TESC: variants seen among roughly 807,000 people sequenced by gnomAD.
TESC encodes the protein tescalcin.
Under a neutral mutation model 31.0 loss-of-function variants are expected in TESC, and 19 were observed. That is an observed-to-expected ratio of 0.61 (90% CI 0.43 to 0.90). The LOEUF (loss-of-function observed/expected upper bound fraction) is 0.90, where lower values mean the gene tolerates loss of function less well. Ranked by LOEUF, TESC falls within the 40% of genes least tolerant of loss-of-function variation. The pLI, the probability that TESC is intolerant of heterozygous loss-of-function variation, is 0.00. For synonymous variants in TESC, 109 were observed against 114.8 expected (o/e 0.95, Z 0.32); for missense variants, 248 against 303.8 (o/e 0.82, Z 1.36).
In TESC at chr12:117,075,300, C is replaced by T; in HGVS notation, c.99G>A (p.Lys33=). 1 of 1,612,164 alleles carries T rather than the reference C, an allele frequency of 6.2e-7. No homozygotes were observed. Among genetic ancestry groups the T allele is most frequent in the Non-Finnish European group, 8.5e-7 (1 of 1,179,954 alleles). Residue 33 remains lysine, a synonymous_variant, in exon 2 of 8, where the codon AAG becomes AAA. Coordinates refer to ENST00000335209, the MANE Select transcript of TESC (RefSeq NM_017899.4). ...TGGTAGGCTGATCTCCACTCAGCTG[C>T]TTAAATCTCCGATGGAGCTGCTCGA... The part of the protein sequence containing the change: ...DQIEQLHRRF[K]QLSGDQPTIR...
chr12:117,061,691 C>T (rs1396729649), intron 2 of TESC, among the ~76,000 whole-genome samples: 1 of 152,122 alleles, frequency 6.6e-6, no homozygotes, highest in African/African-American at 2.4e-5. Context: ...TACATCCACA[C>T]CTGACTCTCA....
At chr12:117,080,593 C>A (rs917587829) in intron 1 of TESC, among the ~76,000 whole-genome samples, 3 of 152,240 alleles carry the variant, frequency 2.0e-5, no homozygotes, top group African/African-American at 7.2e-5. Flanking sequence ...GAGCCAAGGG[C>A]TCAGCTCACA....
chr12:117,049,148 T>C lies in TESC; in HGVS notation c.220A>G (p.Lys74Glu). The change falls in exon 4 of 8, where the codon AAG (lysine) becomes GAG (glutamate). Residue 74 changes from lysine to glutamate, a missense_variant. Transcript: ENST00000335209. ...RAFFDNRNLR[K>E]GPSGLADEIN... The stretch of plus-strand genomic sequence containing the variant: ...TCATCAGCCAGGCCACTGGGTCCCT[T>C]GCGCAGGTTCCTACGGGAGCAACAA... The C allele has an allele frequency of 6.2e-7, 1 of 1,614,228 alleles. No homozygotes were observed. The highest frequency in any genetic ancestry group is 8.5e-7 in the Non-Finnish European group (1 of 1,180,038).
At chr12:117,045,754 G>A (rs867675502) in intron 6 of TESC, among the ~76,000 whole-genome samples, 10 of 152,214 alleles carry the variant, frequency 6.6e-5, no homozygotes, top group Non-Finnish European at 1.3e-4. Flanking sequence ...GTCTAGAGAC[G>A]CAGCCACTTT....
At chr12:117,096,261 G>A (rs1955393806) in intron 1 of TESC, among the ~76,000 whole-genome samples, 1 of 152,154 alleles carries the variant, frequency 6.6e-6, no homozygotes, top group Non-Finnish European at 1.5e-5. Flanking sequence ...AGCCCTGTGG[G>A]CTCAGTCTGT....
At chr12:117,071,006 C>T (rs1035410616) in intron 2 of TESC, among the ~76,000 whole-genome samples, 1 of 152,156 alleles carries the variant, frequency 6.6e-6, no homozygotes, top group Non-Finnish European at 1.5e-5. Context: ...CACAATCCTG[C>T]TGTGTAGCAC....
At chr12:117,099,009 G>A (rs1955435006) in intron 1 of TESC, among the ~76,000 whole-genome samples, 2 of 152,174 alleles carry the variant, frequency 1.3e-5, no homozygotes, top group Admixed American at 6.5e-5. Flanking sequence ...CCAGTCCGAA[G>A]CTGAGCGGCT....
At chr12:117,045,715 A>G (rs1002924245) in intron 6 of TESC, among the ~76,000 whole-genome samples, 11 of 152,354 alleles carry the variant, frequency 7.2e-5, no homozygotes, top group Admixed American at 4.6e-4. Context: ...CCTCCACTCC[A>G]GGCTGGGCAA....
At chr12:117,062,951 G>T (rs1007901155) in intron 2 of TESC, among the ~76,000 whole-genome samples, 1 of 152,154 alleles carries the variant, frequency 6.6e-6, no homozygotes, top group African/African-American at 2.4e-5. Context: ...GACCATCAGG[G>T]GTAGCGGGGA....
chr12:117,050,659 G>T (rs111733834), intron 3 of TESC, among the ~76,000 whole-genome samples: 1 of 152,240 alleles, frequency 6.6e-6, no homozygotes, highest in Non-Finnish European at 1.5e-5. Flanking sequence ...GAGGCCAGGC[G>T]CAATGGCTTA....
chr12:117,093,220 A>G (rs1955339539), intron 1 of TESC, among the ~76,000 whole-genome samples: 1 of 152,244 alleles, frequency 6.6e-6, no homozygotes, highest in South Asian at 2.1e-4. Context: ...CCCTGGTAGC[A>G]GAATATGGCA....
At chr12:117,058,860 T>G (rs1382886539) in intron 2 of TESC, among the ~76,000 whole-genome samples, 4 of 151,994 alleles carry the variant, frequency 2.6e-5, no homozygotes, top group Non-Finnish European at 5.9e-5. Flanking sequence ...GGCTGCAGGT[T>G]TGCAGGCAGG....
Position 117,055,235 on chromosome 12 carries a change from G to A in TESC, c.209+1571C>T, listed in dbSNP as rs577130510. 1.6e-4 allele frequency among the ~76,000 whole-genome samples: 24 copies of A among 152,266 alleles called. 1 individual carries two copies. In the South Asian group the frequency reaches 5.0e-3, roughly 32 times the overall value. On this transcript the variant is annotated intron_variant, in intron 3 of 7. Coordinates refer to ENST00000335209, the MANE Select transcript of TESC (RefSeq NM_017899.4). ...CGACTTACTGCAACCTCCACCTCCC[G>A]AGTTCAAGGGATTATCCTGCCTCAG... is the stretch of plus-strand genomic sequence containing the variant.
At chr12:117,095,237 GCTAA>G (rs79799126) in intron 1 of TESC, among the ~76,000 whole-genome samples, 22,792 of 151,788 alleles carry the variant, frequency 0.15, 1,811 homozygotes, top group Middle Eastern at 0.21. Context: ...ACCGCGCACA[GCTAA>G]TTTTTGTAGT....
chr12:117,039,364 A>G (rs1434861140), intron 7 of TESC, among the ~76,000 whole-genome samples, 154 bp from the exon 8 acceptor site: 2 of 152,230 alleles, frequency 1.3e-5, no homozygotes, highest in Non-Finnish European at 1.5e-5. Flanking sequence ...TTTCAAGACT[A>G]TGAGCTAAGC....
At chr12:117,046,982 A>C in intron 4 of TESC, 144 bp from the exon 5 acceptor site, 1 of 823,040 alleles carries the variant, frequency 1.2e-6, no homozygotes, top group South Asian at 1.7e-5. Context: ...GAGCTGTGGG[A>C]CCAGACTGAC....
Position 117,099,237 on chromosome 12 carries a change from C to T in TESC, c.46G>A (p.Gly16Ser). 6.8e-7 allele frequency: 1 copy of T among 1,479,364 alleles called. No homozygotes were observed. The highest frequency in any genetic ancestry group is 8.9e-7 in the Non-Finnish European group (1 of 1,122,996). The allele number at this position is 1,479,364 out of a possible 1,614,324, so 91.6% of individuals were successfully genotyped here. Reference protein sequence around the residue: ...SASEEVRELEGKTGFSSDQIE... With the variant: ...SASEEVRELESKTGFSSDQIE... The stretch of plus-strand genomic sequence containing the variant: ...CGCGGGTACTCACAGCCGGTCTTGC[C>T]CTCGAGCTCCCGCACCTCCTCAGAC... The change falls in exon 1 of 8, where the codon GGC (glycine) becomes AGC (serine). Residue 16 changes from glycine (G) to serine (S), a missense_variant. Coordinates refer to ENST00000335209, the MANE Select transcript of TESC (RefSeq NM_017899.4).
At chr12:117,067,129 T>G (rs1396185140) in intron 2 of TESC, among the ~76,000 whole-genome samples, 1 of 152,116 alleles carries the variant, frequency 6.6e-6, no homozygotes, top group Non-Finnish European at 1.5e-5. Flanking sequence ...TTTTCCTCTT[T>G]AAGTGAACGT....
At chr12:117,058,786 G>T (rs1954764806) in intron 2 of TESC, among the ~76,000 whole-genome samples, 1 of 151,474 alleles carries the variant, frequency 6.6e-6, no homozygotes, top group Non-Finnish European at 1.5e-5. Context: ...TGGCTGGGGA[G>T]AGGGGAGGGT....
Sources: gnomAD v4.1 joint callset for allele counts (sites outside exome capture counted in the v4.1 genomes callset) on GRCh38, gnomAD v4.1.1 for gene constraint, MANE v1.5 for transcripts, NCBI Gene and HGNC (gene_info 2026-07-23, HGNC 2026-07-21) for gene names.